The following TCF20 variants were observed in gnomAD, a reference collection of about 807,000 sequenced individuals.
TCF20 encodes transcription factor 20.
In TCF20, 3 loss-of-function variants were observed where a neutral mutation model predicts 148.6. The observed-to-expected ratio is 0.02, with a 90% CI of 0.01 to 0.05. The LOEUF is 0.05. TCF20 is among the 10% of genes least tolerant of loss of function. TCF20 has a pLI of 1.00. For synonymous variants in TCF20, 1,049 were observed against 909.5 expected (o/e 1.15, Z -2.76); for missense variants, 2,350 against 2,429.3 (o/e 0.97, Z 0.69).
rs562310892 is a variant in TCF20, at chr22:42,297,480, C to T, written c.-37+45999G>A. 2.0e-5 allele frequency among the ~76,000 whole-genome samples: 3 copies of T among 152,230 alleles called. No homozygotes were observed. Among genetic ancestry groups the T allele is most frequent in the Non-Finnish European group, 4.4e-5 (3 of 68,036 alleles). ...GCCCCTCCCAACCTTCTCCCATCCC[C>T]CACTGCCTCCTGAGCACCCTCCAAG... On this transcript the variant is annotated intron_variant, in intron 1 of 1. Coordinates refer to the TCF20 transcript ENST00000515426. This position sits in a 1 kb window ranked among gnomAD's most constrained non-coding sequence, Gnocchi z 4.3.
chr22:42,250,165 C>G (rs1489656588), intron 1 of TCF20, among the ~76,000 whole-genome samples: 2 of 152,110 alleles, frequency 1.3e-5, no homozygotes, highest in African/African-American at 4.8e-5. Context: ...ACTGGCCAGG[C>G]ACGGTGGCTC....
chr22:42,309,514 G>A (rs985637962), intron 1 of TCF20, among the ~76,000 whole-genome samples: 11 of 142,190 alleles, frequency 7.7e-5, no homozygotes, highest in Non-Finnish European at 1.4e-4. Flanking sequence ...TGCCCACCTC[G>A]CCCCCGCTGC....
chr22:42,315,188 G>A (rs1191299697), intron 1 of TCF20, among the ~76,000 whole-genome samples: 1 of 152,088 alleles, frequency 6.6e-6, no homozygotes, highest in Non-Finnish European at 1.5e-5. Context: ...GGAGGTTCTG[G>A]AACAGTTCAG....
At chr22:42,169,968 T>A in intron 3 of TCF20, 72 bp from the exon 4 acceptor site, 2 of 1,519,764 alleles carry the variant, frequency 1.3e-6, no homozygotes, top group Non-Finnish European at 1.8e-6. Context: ...CTGGCTGGGA[T>A]TGACAGGGTC....
chr22:42,204,052 G>A (rs1331384367), intron 2 of TCF20, among the ~76,000 whole-genome samples: 1 of 152,170 alleles, frequency 6.6e-6, no homozygotes, highest in Non-Finnish European at 1.5e-5. Flanking sequence ...GTTTTAATAT[G>A]TGATTTCATT....
intron 5 of TCF20, among the ~76,000 whole-genome samples, chr22:42,163,639 G>A (rs1935598262): frequency 6.6e-6 from 1 of 152,214 alleles, no homozygotes; most frequent in Non-Finnish European, 1.5e-5. Flanking sequence ...GGTGGGACTG[G>A]GGCTTTCCCA....
At chr22:42,220,907 T>G (rs556630371) in intron 1 of TCF20, among the ~76,000 whole-genome samples, 2 of 152,326 alleles carry the variant, frequency 1.3e-5, no homozygotes, top group East Asian at 3.9e-4. Context: ...TAGAAGGCAG[T>G]AGGTAACAAC....
At chr22:42,247,529 C>G (rs573463725) in intron 1 of TCF20, among the ~76,000 whole-genome samples, 14 of 151,998 alleles carry the variant, frequency 9.2e-5, no homozygotes, top group Non-Finnish European at 1.6e-4. Context: ...GGACACCGAG[C>G]TGCAGCAGAG....
intron 1 of TCF20, among the ~76,000 whole-genome samples, chr22:42,236,124 C>T (rs993507008): frequency 6.6e-6 from 1 of 150,854 alleles, no homozygotes. Context: ...TGCAGTGAGC[C>T]GAGATCTCAC....
intron 1 of TCF20, among the ~76,000 whole-genome samples, chr22:42,221,730 T>C (rs992185800): frequency 2.1e-5 from 3 of 143,656 alleles, no homozygotes; most frequent in Admixed American, 7.2e-5. Flanking sequence ...ATTAACCATA[T>C]GGCAAAGGGT....
intron 1 of TCF20, among the ~76,000 whole-genome samples, chr22:42,330,350 C>T (rs371464568): frequency 2.2e-4 from 33 of 152,168 alleles, no homozygotes; most frequent in African/African-American, 7.7e-4. Context: ...GCAGTGTCCC[C>T]GGGTGCCCAA....
intron 1 of TCF20, among the ~76,000 whole-genome samples, chr22:42,245,758 T>C (rs1056988712): frequency 6.6e-6 from 1 of 152,108 alleles, no homozygotes; most frequent in Non-Finnish European, 1.5e-5. Context: ...TCCCTCTCTA[T>C]GGCCAATTTT....
chr22:42,176,128 C>G (rs1400328041), intron 3 of TCF20, among the ~76,000 whole-genome samples: 1 of 152,182 alleles, frequency 6.6e-6, no homozygotes, highest in East Asian at 1.9e-4. Flanking sequence ...TTCCGTTGAT[C>G]AAATAGTGCC....
intron 1 of TCF20, among the ~76,000 whole-genome samples, chr22:42,333,070 T>A (rs902411581): frequency 9.2e-5 from 14 of 152,220 alleles, no homozygotes; most frequent in Non-Finnish European, 1.6e-4. Context: ...CAAGAAAAAG[T>A]AAAAACAAAA....
At chr22:42,287,948 C>T (rs56129346), upstream of TCF20, among the ~76,000 whole-genome samples, 573 of 152,240 alleles carry the variant, frequency 3.8e-3, 1 homozygote, top group African/African-American at 0.013. Context: ...AGCAATTGAG[C>T]GAAAAAGTGC....
At position 42,299,672 on chromosome 22, in the gene TCF20, C is replaced by T. The variant is rs989202316; in HGVS notation, c.-37+43807G>A. 1.3e-5 allele frequency among the ~76,000 whole-genome samples: 2 copies of T among 152,176 alleles called. No individual in the cohort carries two copies. The highest frequency in any genetic ancestry group is 4.8e-5 in the African/African-American group (2 of 41,432). ...GCAGGCCCCCCTGCCCGCACCCCAA[C>T]ACTTCAAGACCTCCTAGGAGTGACC... On this transcript the variant is annotated intron_variant, in intron 1 of 1. Coordinates refer to the TCF20 transcript ENST00000515426. This position sits in a 1 kb window ranked among gnomAD's most constrained non-coding sequence, Gnocchi z 4.1.
chr22:42,169,794 G>A, intron 4 of TCF20, 53 bp downstream of exon 4: 2 of 1,596,972 alleles, frequency 1.3e-6, no homozygotes, highest in South Asian at 1.1e-5. Flanking sequence ...TCTTTCAGGA[G>A]GAGCCACCCT....
chr22:42,180,451 A>G (rs1208469591), intron 2 of TCF20, among the ~76,000 whole-genome samples: 1 of 152,188 alleles, frequency 6.6e-6, no homozygotes, highest in East Asian at 1.9e-4. Flanking sequence ...GTGAGTGCTC[A>G]TCCTGTCAGG....
At chr22:42,226,957 G>C (rs1280457721) in intron 1 of TCF20, among the ~76,000 whole-genome samples, 1 of 152,114 alleles carries the variant, frequency 6.6e-6, no homozygotes, top group Non-Finnish European at 1.5e-5. Flanking sequence ...ATTCTAATAG[G>C]TTCCAGTCAA....
Sources: allele counts gnomAD v4.1 joint callset (sites outside exome capture counted in the v4.1 genomes callset), GRCh38; gene constraint gnomAD v4.1.1; non-coding constraint Gnocchi (gnomAD v3.1); transcripts MANE v1.5; gene names NCBI Gene and HGNC (gene_info 2026-07-23, HGNC 2026-07-21).